The following ORC3 variants were observed in gnomAD, a reference collection of about 807,000 sequenced individuals.
ORC3 encodes origin recognition complex subunit 3.
In ORC3, 78 loss-of-function variants were observed where a neutral mutation model predicts 100.7. The ratio of observed to expected loss-of-function variants is 0.77; its 90% CI spans 0.65 to 0.94. The LOEUF is 0.94. Ranked by LOEUF, ORC3 falls within the 40% of genes least tolerant of loss-of-function variation. The pLI is 0.00. For missense variants in ORC3, 789 were observed against 823.9 expected (o/e 0.96, Z 0.52); for synonymous variants, 295 against 289.3 (o/e 1.02, Z -0.20).
At chr6:87,641,818 G>T (rs1383599306) in intron 13 of ORC3, among the ~76,000 whole-genome samples, 2 of 152,136 alleles carry the variant, frequency 1.3e-5, no homozygotes, top group East Asian at 3.8e-4. Context: ...AGTTCAAAGA[G>T]ACTAGAAATT....
At position 87,642,368 on chromosome 6, in the gene ORC3, A is replaced by T. The variant is rs1030928674; in HGVS notation, c.1382+5882A>T. ...TACTTTGGGAGGCTGAGGTGGGTGGATCACCTGAGGTCAGGAGTTCGAGAC... is the reference window on the plus strand; with the variant it reads ...TACTTTGGGAGGCTGAGGTGGGTGGTTCACCTGAGGTCAGGAGTTCGAGAC... On this transcript the variant is annotated intron_variant, in intron 13 of 19. Coordinates refer to ENST00000392844, the MANE Select transcript of ORC3 (RefSeq NM_012381.4). Among the ~76,000 whole-genome samples, 16 of 152,266 alleles carry T rather than the reference A, an allele frequency of 1.1e-4. No homozygotes were observed. The East Asian group carries it at 3.1e-3, about 29-fold the overall frequency.
the ORC3 span, chr6:87,675,752 T>G: frequency 2.6e-5 from 38 of 1,453,268 alleles, no homozygotes; most frequent in East Asian, 8.8e-4. Flanking sequence ...CCATACATTC[T>G]CAGTAATTTT....
At chr6:87,603,816 G>T (rs993550628) in intron 4 of ORC3, among the ~76,000 whole-genome samples, 1 of 152,056 alleles carries the variant, frequency 6.6e-6, no homozygotes, top group Non-Finnish European at 1.5e-5. Flanking sequence ...CTCTTTCTTT[G>T]TAGATACATT....
chr6:87,632,069 CAGG>C (rs1767466224), intron 11 of ORC3, among the ~76,000 whole-genome samples: 1 of 152,024 alleles, frequency 6.6e-6, no homozygotes, highest in African/African-American at 2.4e-5. Flanking sequence ...GAGGCTGAGG[CAGG>C]AGAACCGCTT....
chr6:87,666,889 ATAGTT>A, intron 19 of ORC3, 124 bp from the exon 20 acceptor site: 1 of 576,050 alleles, frequency 1.7e-6, no homozygotes, highest in East Asian at 2.9e-5. Flanking sequence ...AGTAACAGTT[ATAGTT>A]TAATTTAGGA....
chr6:87,676,447 C>CAAA, the ORC3 span, among the ~76,000 whole-genome samples: 542 of 39,562 alleles, frequency 0.014, 3 homozygotes, highest in Non-Finnish European at 0.018. Context: ...GCCTGGGCAA[C>CAAA]AAAAAAAAAA....
chr6:87,638,207 A>C (rs1302722581), intron 13 of ORC3, among the ~76,000 whole-genome samples: 1 of 152,240 alleles, frequency 6.6e-6, no homozygotes, highest in Non-Finnish European at 1.5e-5. Context: ...TATGGGTCAA[A>C]TATAATACCT....
intron 1 of ORC3, among the ~76,000 whole-genome samples, chr6:87,591,793 G>T (rs1467527145): frequency 6.6e-6 from 1 of 151,570 alleles, no homozygotes; most frequent in Admixed American, 6.6e-5. Context: ...GTGCAGTGGC[G>T]CGATCTCGGC....
At chr6:87,658,064 T>C (rs777433540) in intron 16 of ORC3, 46 bp downstream of exon 16, 3 of 1,005,552 alleles carry the variant, frequency 3.0e-6, no homozygotes, top group Non-Finnish European at 4.7e-6. Context: ...ATGCTGTTTT[T>C]CCAAATAACA....
At chr6:87,621,532 G>T in intron 10 of ORC3, 45 bp downstream of exon 10, 1 of 1,360,560 alleles carries the variant, frequency 7.3e-7, no homozygotes, top group South Asian at 1.6e-5. Flanking sequence ...ACTAGAATTT[G>T]GTACTAAATA....
intron 2 of ORC3, chr6:87,595,407 T>C (rs28381472): frequency 0.078 from 11,816 of 152,334 alleles, 464 homozygotes; most frequent in East Asian, 0.095. Flanking sequence ...CTATCATAAA[T>C]ACCATGTGAA....
intron 11 of ORC3, among the ~76,000 whole-genome samples, chr6:87,633,459 G>A (rs1767581729): frequency 1.3e-5 from 2 of 152,134 alleles, no homozygotes; most frequent in Admixed American, 1.3e-4. Flanking sequence ...CTCAAATAAT[G>A]GGAGGGAAAA....
At position 87,607,747 on chromosome 6, in the gene ORC3, G is replaced by C. The variant is rs1167366063; in HGVS notation, c.502G>C (p.Glu168Gln). The C allele has an allele frequency of 6.2e-7, 1 of 1,612,158 alleles. No individual in the cohort carries two copies. The highest frequency in any genetic ancestry group is 2.2e-5 in the East Asian group (1 of 44,742). The part of the protein sequence containing the change: ...CCVDIKSKEE[E>Q]SVHVTQRKTH... ...TGTAGATATAAAATCCAAAGAGGAG[G>C]AAAGTGTTCACGTCACCCAAAGAAA... The change falls in exon 6 of 20, where the codon GAA becomes CAA. Residue 168 changes from glutamate to glutamine, a missense_variant. Glu to Gln is a conservative substitution (Grantham distance 29). Transcript: ENST00000392844.
chr6:87,623,947 T>G (rs144472579), intron 11 of ORC3, among the ~76,000 whole-genome samples: 15 of 152,276 alleles, frequency 9.9e-5, no homozygotes, highest in African/African-American at 2.9e-4. Flanking sequence ...TTTCAGTGAC[T>G]TTTTACATAT....
chr6:87,590,295 A>T (rs9450752), intron 1 of ORC3, 103 bp downstream of exon 1: 1 of 1,256,946 alleles, frequency 8.0e-7, no homozygotes, highest in Non-Finnish European at 1.2e-6. Context: ...CTGGCTGGAG[A>T]GGAGGGAGGG....
At chr6:87,605,167 T>C (rs1778238459) in intron 4 of ORC3, among the ~76,000 whole-genome samples, 1 of 152,190 alleles carries the variant, frequency 6.6e-6, no homozygotes, top group African/African-American at 2.4e-5. Context: ...CCCATAGTTT[T>C]ACTTTTTTAA....
At chr6:87,622,044 C>G in intron 11 of ORC3, 31 bp downstream of exon 11, 1 of 1,413,054 alleles carries the variant, frequency 7.1e-7, no homozygotes, top group Non-Finnish European at 9.9e-7. Context: ...CAGTTTCATT[C>G]TCTTTTTCCT....
intron 18 of ORC3, 54 bp from the exon 19 acceptor site, chr6:87,665,700 G>C: frequency 2.0e-6 from 2 of 999,160 alleles, no homozygotes; most frequent in South Asian, 2.7e-5. Context: ...TATAGTAAAA[G>C]ATGTTTGGCA....
intron 12 of ORC3, among the ~76,000 whole-genome samples, chr6:87,635,667 C>G (rs1168975684): frequency 6.6e-6 from 1 of 151,892 alleles, no homozygotes; most frequent in Non-Finnish European, 1.5e-5. Flanking sequence ...CGTGGTGGCA[C>G]ACACCTGTAG....
Sources: gnomAD v4.1 joint callset for allele counts (sites outside exome capture counted in the v4.1 genomes callset) on GRCh38, gnomAD v4.1.1 for gene constraint, MANE v1.5 for transcripts, NCBI Gene and HGNC (gene_info 2026-07-23, HGNC 2026-07-21) for gene names.